PXDN: variants seen among roughly 807,000 people sequenced by gnomAD.
PXDN encodes the protein peroxidasin.
A neutral mutation model predicts 140.3 loss-of-function variants in PXDN; 77 were observed. The observed-to-expected ratio is 0.55, with a 90% CI of 0.46 to 0.66. The LOEUF (loss-of-function observed/expected upper bound fraction) is 0.66, where lower values mean the gene tolerates loss of function less well. PXDN is among the 30% of genes least tolerant of loss of function. The pLI is 0.00. For synonymous variants in PXDN, 911 were observed against 857.4 expected (o/e 1.06, Z -1.09); for missense variants, 1,838 against 2,039.5 (o/e 0.90, Z 1.90).
chr2:1,664,708 T>C, intron 11 of PXDN: 4 of 468,764 alleles, frequency 8.5e-6, no homozygotes, highest in Non-Finnish European at 1.5e-5. Flanking sequence ...GAACCCCAAG[T>C]CTCTTCCGCA....
chr2:1,717,752 TAACC>T (rs1003064006), intron 1 of PXDN, among the ~76,000 whole-genome samples: 6 of 151,848 alleles, frequency 4.0e-5, no homozygotes, highest in African/African-American at 1.5e-4. Context: ...GCTACTCTAC[TAACC>T]AACTACCCAA....
intron 17 of PXDN, among the ~76,000 whole-genome samples, chr2:1,645,709 C>T (rs1008507962): frequency 1.3e-5 from 2 of 152,202 alleles, no homozygotes; most frequent in Non-Finnish European, 2.9e-5. Context: ...TCTAAGATGT[C>T]CCCTGGGAGT....
intron 14 of PXDN, among the ~76,000 whole-genome samples, chr2:1,658,069 T>TCTCTCCCC (rs1683202293): frequency 1.3e-5 from 1 of 74,704 alleles, no homozygotes; most frequent in Non-Finnish European, 3.0e-5. Flanking sequence ...TCTCTCTCTC[T>TCTCTCCCC]CTCTCTCTCT....
chr2:1,692,984 A>T, intron 2 of PXDN, 79 bp downstream of exon 2: 1 of 1,345,430 alleles, frequency 7.4e-7, no homozygotes, highest in South Asian at 1.3e-5. Flanking sequence ...CTGATTGTGG[A>T]TGATGAGTTC....
chr2:1,636,077 T>C (rs759073296), intron 21 of PXDN: 4 of 215,884 alleles, frequency 1.9e-5, no homozygotes, highest in Non-Finnish European at 2.8e-5. Context: ...GCCTGGGCCA[T>C]GAGGTGACCT....
intron 1 of PXDN, among the ~76,000 whole-genome samples, chr2:1,742,921 C>T (rs1456230060): frequency 1.3e-5 from 2 of 152,258 alleles, no homozygotes; most frequent in Non-Finnish European, 2.9e-5. Context: ...GCACTGGCCG[C>T]CCACTTCCTG....
At chr2:1,721,155 G>A (rs1161628237) in intron 1 of PXDN, among the ~76,000 whole-genome samples, 2 of 152,142 alleles carry the variant, frequency 1.3e-5, no homozygotes, top group African/African-American at 4.8e-5. Context: ...CACATATCTG[G>A]GTGCAGTGGC....
At chr2:1,679,906 A>AATGGTGTGTGTGTGG (rs1172881910) in intron 7 of PXDN, among the ~76,000 whole-genome samples, 1 of 79,890 alleles carries the variant, frequency 1.3e-5, no homozygotes, top group African/African-American at 5.3e-5. Context: ...TGTGTGTGTA[A>AATGGTGTGTGTGTGG]ATGGTGTGTG....
intron 1 of PXDN, among the ~76,000 whole-genome samples, chr2:1,706,004 G>A (rs62116624): frequency 2.6e-4 from 39 of 151,396 alleles, no homozygotes; most frequent in Non-Finnish European, 4.7e-4. Flanking sequence ...CTTGGACACC[G>A]TCAAGGCTAC....
intron 1 of PXDN, among the ~76,000 whole-genome samples, chr2:1,707,576 T>C (rs1296366901): frequency 6.6e-6 from 1 of 152,194 alleles, no homozygotes; most frequent in Non-Finnish European, 1.5e-5. Context: ...ACCCAAATTT[T>C]TGGAAGCACG....
At chr2:1,652,540 A>G (rs1440974748) in intron 16 of PXDN, among the ~76,000 whole-genome samples, 1 of 152,064 alleles carries the variant, frequency 6.6e-6, no homozygotes, top group Non-Finnish European at 1.5e-5. Flanking sequence ...TCACCCATCG[A>G]GAAAAGCAGA....
intron 14 of PXDN, among the ~76,000 whole-genome samples, chr2:1,655,546 C>T (rs1683112330): frequency 6.6e-6 from 1 of 150,972 alleles, no homozygotes; most frequent in East Asian, 2.0e-4. Flanking sequence ...CACACATCTG[C>T]CCCTCCTGAC....
Position 1,709,047 on chromosome 2 carries a change from C to T in PXDN, c.201-15913G>A, listed in dbSNP as rs1017499001. Among the ~76,000 whole-genome samples the T allele has an allele frequency of 5.3e-5, 8 of 152,194 alleles. No individual in the cohort carries two copies. The East Asian group carries it at 1.5e-3, about 29-fold the overall frequency. On this transcript the variant is annotated intron_variant, in intron 1 of 22. Coordinates refer to ENST00000252804, the MANE Select transcript of PXDN (RefSeq NM_012293.3). ...GTTCACCGCGGGAGGGAGCTGGTGGCCGGTCTTCCCCACGGGAGCCAGGCT... is the reference window on the plus strand; with the variant it reads ...GTTCACCGCGGGAGGGAGCTGGTGGTCGGTCTTCCCCACGGGAGCCAGGCT...
At chr2:1,686,821 G>A (rs931342433) in intron 4 of PXDN, among the ~76,000 whole-genome samples, 2 of 152,164 alleles carry the variant, frequency 1.3e-5, no homozygotes, top group Admixed American at 6.5e-5. Context: ...TGACAACATC[G>A]CTGTGTCCAG....
At chr2:1,723,229 G>A (rs1289697317) in intron 1 of PXDN, among the ~76,000 whole-genome samples, 2 of 151,980 alleles carry the variant, frequency 1.3e-5, no homozygotes, top group African/African-American at 2.4e-5. Context: ...AAGAATAGAT[G>A]GATGAGTGGT....
chr2:1,657,170 TGGGGG>T (rs201158049), intron 14 of PXDN, among the ~76,000 whole-genome samples: 2,022 of 142,028 alleles, frequency 0.014, 41 homozygotes, highest in African/African-American at 0.052. Context: ...TCCTACTGAC[TGGGGG>T]GGAACCTGCC....
intron 1 of PXDN, among the ~76,000 whole-genome samples, chr2:1,701,644 G>A (rs1382002451): frequency 3.3e-5 from 5 of 152,148 alleles, no homozygotes; most frequent in Admixed American, 6.5e-5. Flanking sequence ...GGTCAGGGGT[G>A]TCCAGCTGCC....
intron 6 of PXDN, among the ~76,000 whole-genome samples, chr2:1,682,508 T>C (rs1390105170): frequency 1.3e-5 from 2 of 152,216 alleles, no homozygotes; most frequent in African/African-American, 4.8e-5. Flanking sequence ...CACTCAGTAA[T>C]ATCTAACCGA....
Position 1,731,156 on chromosome 2 carries a change from A to G in PXDN, c.200+13100T>C, listed in dbSNP as rs868755078. Among the ~76,000 whole-genome samples, 726 of 143,340 alleles carry G rather than the reference A, an allele frequency of 5.1e-3. 13 individuals are homozygous for G. Among genetic ancestry groups the G allele is most frequent in the East Asian group, 0.045 (222 of 4,938 alleles). The allele number at this position is 143,340 out of a possible 152,430, so 94.0% of individuals were successfully genotyped here. A position where few individuals can be genotyped will look rare whatever the true frequency, so the allele number is the denominator to read the frequency against. ...AACACTGTTGAGAGCGCGCGCGCACACACACACACACACACACACACACAT... is the reference window on the plus strand; with the variant it reads ...AACACTGTTGAGAGCGCGCGCGCACGCACACACACACACACACACACACAT... On this transcript the variant is annotated intron_variant, in intron 1 of 22. Transcript: ENST00000252804.
Sources: allele counts gnomAD v4.1 joint callset (sites outside exome capture counted in the v4.1 genomes callset), GRCh38; gene constraint gnomAD v4.1.1; transcripts MANE v1.5; gene names NCBI Gene and HGNC (gene_info 2026-07-23, HGNC 2026-07-21).